Variants in SH3GL2 observed in about 807,000 individuals in gnomAD.
SH3GL2 encodes endophilin-A1.
SH3GL2 carries 24 observed loss-of-function variants against 46.0 expected under a neutral mutation model. The ratio of observed to expected loss-of-function variants is 0.52; its 90% CI spans 0.38 to 0.73. The LOEUF (loss-of-function observed/expected upper bound fraction) is 0.73. Among genes scored for constraint, SH3GL2 ranks in the 30% least tolerant of loss-of-function variants. SH3GL2 has a pLI of 0.00. For missense variants in SH3GL2, 413 were observed against 424.2 expected (o/e 0.97, Z 0.23); for synonymous variants, 196 against 147.1 (o/e 1.33, Z -2.40).
chr9:17,662,073 A>G (rs893364641), intron 1 of SH3GL2, among the ~76,000 whole-genome samples: 5 of 152,212 alleles, frequency 3.3e-5, no homozygotes, highest in African/African-American at 4.8e-5. Context: ...ACTGTCCAAT[A>G]CAAAGTGTAT....
intron 7 of SH3GL2, among the ~76,000 whole-genome samples, chr9:17,792,255 G>A (rs943894083): frequency 1.3e-5 from 2 of 152,132 alleles, no homozygotes; most frequent in African/African-American, 4.8e-5. Flanking sequence ...CTTCGGCGCA[G>A]CCTTATGGAA....
intron 1 of SH3GL2, among the ~76,000 whole-genome samples, chr9:17,592,735 GA>G (rs200019101): frequency 2.6e-5 from 4 of 151,982 alleles, no homozygotes; most frequent in South Asian, 4.2e-4. Context: ...TTTCCTCACA[GA>G]AAAAAAACCT....
intron 1 of SH3GL2, among the ~76,000 whole-genome samples, chr9:17,696,355 G>A (rs1333485049): frequency 6.6e-6 from 1 of 152,180 alleles, no homozygotes; most frequent in Non-Finnish European, 1.5e-5. Flanking sequence ...CAAAGCCAAA[G>A]AGAAAGTATT....
chr9:17,579,566 C>T (rs1818235640), intron 1 of SH3GL2, among the ~76,000 whole-genome samples: 1 of 152,150 alleles, frequency 6.6e-6, no homozygotes, highest in African/African-American at 2.4e-5. Context: ...CATCTCGCGC[C>T]CGTGCTGCAG....
chr9:17,595,843 T>G (rs985472547), intron 1 of SH3GL2, among the ~76,000 whole-genome samples: 1 of 152,210 alleles, frequency 6.6e-6, no homozygotes, highest in South Asian at 2.1e-4. Context: ...TAAAATGCAC[T>G]GAGAATTTAT....
intron 1 of SH3GL2, among the ~76,000 whole-genome samples, chr9:17,738,545 A>ATATAAATACATATATACATAT (rs1563833701): frequency 9.3e-6 from 1 of 107,360 alleles, no homozygotes; most frequent in Non-Finnish European, 2.2e-5. Context: ...TATATACATA[A>ATATAAATACATATATACATAT]GTGTGTGTGT....
At chr9:17,731,473 G>A (rs1431695037) in intron 1 of SH3GL2, among the ~76,000 whole-genome samples, 2 of 151,492 alleles carry the variant, frequency 1.3e-5, no homozygotes, top group African/African-American at 2.4e-5. Context: ...GAGAGAGAGA[G>A]CATCTTTCTC....
chr9:17,644,798 T>C (rs1819766396), intron 1 of SH3GL2, among the ~76,000 whole-genome samples: 1 of 152,212 alleles, frequency 6.6e-6, no homozygotes, highest in African/African-American at 2.4e-5. Context: ...ATGTATCTTC[T>C]GTTTGTTTGG....
At chr9:17,616,876 C>T (rs1819014991) in intron 1 of SH3GL2, among the ~76,000 whole-genome samples, 1 of 152,090 alleles carries the variant, frequency 6.6e-6, no homozygotes, top group South Asian at 2.1e-4. Context: ...ATACAGTCAG[C>T]GTAGTATAAA....
intron 1 of SH3GL2, among the ~76,000 whole-genome samples, chr9:17,597,301 C>T (rs1227149939): frequency 1.3e-5 from 2 of 152,160 alleles, no homozygotes; most frequent in African/African-American, 4.8e-5. Flanking sequence ...GCGGGCAGAT[C>T]ACTTGAGTTC....
intron 1 of SH3GL2, among the ~76,000 whole-genome samples, chr9:17,599,639 C>A (rs528706078): frequency 5.3e-5 from 8 of 152,178 alleles, no homozygotes; most frequent in Non-Finnish European, 1.0e-4. Context: ...ATGATGTGAT[C>A]TACATTCACA....
chr9:17,765,481 A>G (rs1015039663), intron 3 of SH3GL2, among the ~76,000 whole-genome samples: 5 of 152,236 alleles, frequency 3.3e-5, no homozygotes, highest in African/African-American at 9.6e-5. Context: ...TGAAGGTCCT[A>G]CATCCACTCT....
At chr9:17,666,840 C>A (rs1352418850) in intron 1 of SH3GL2, among the ~76,000 whole-genome samples, 1 of 152,078 alleles carries the variant, frequency 6.6e-6, no homozygotes, top group East Asian at 1.9e-4. Flanking sequence ...AAATTCCCAT[C>A]CATAAAGGCT....
chr9:17,709,826 A>G (rs1821571987), intron 1 of SH3GL2, among the ~76,000 whole-genome samples: 1 of 152,006 alleles, frequency 6.6e-6, no homozygotes, highest in Middle Eastern at 3.4e-3. Context: ...AGTTCCTAGT[A>G]TGTTCCAGGC....
intron 3 of SH3GL2, among the ~76,000 whole-genome samples, chr9:17,774,339 C>T (rs1171429903): frequency 6.6e-6 from 1 of 152,098 alleles, no homozygotes; most frequent in Non-Finnish European, 1.5e-5. Flanking sequence ...TAGATGTGGT[C>T]ACAGTGGGCA....
At chr9:17,689,860 T>A (rs1023994548) in intron 1 of SH3GL2, among the ~76,000 whole-genome samples, 3 of 152,148 alleles carry the variant, frequency 2.0e-5, no homozygotes, top group Non-Finnish European at 2.9e-5. Context: ...ATTATTTATT[T>A]ATTTTAACTT....
chr9:17,731,854 C>A (rs1305575198), intron 1 of SH3GL2, among the ~76,000 whole-genome samples: 1 of 152,080 alleles, frequency 6.6e-6, no homozygotes, highest in African/African-American at 2.4e-5. Flanking sequence ...CTATGCTTTC[C>A]CTATTTACCC....
chr9:17,761,775 A>G (rs952824959), intron 3 of SH3GL2, among the ~76,000 whole-genome samples: 1 of 152,232 alleles, frequency 6.6e-6, no homozygotes, highest in African/African-American at 2.4e-5. Flanking sequence ...TTCAGGTGAC[A>G]CATAATATCA....
intron 1 of SH3GL2, among the ~76,000 whole-genome samples, chr9:17,665,085 C>T (rs994238840): frequency 6.6e-6 from 1 of 152,142 alleles, no homozygotes; most frequent in African/African-American, 2.4e-5. Flanking sequence ...TTGACTTTAT[C>T]ATTAGTTCTG....
Sources: allele counts gnomAD v4.1 joint callset (sites outside exome capture counted in the v4.1 genomes callset), GRCh38; gene constraint gnomAD v4.1.1; transcripts MANE v1.5; gene names NCBI Gene and HGNC (gene_info 2026-07-23, HGNC 2026-07-21).